Variants in ATXN1 observed in about 807,000 individuals in gnomAD.
ATXN1 encodes ataxin 1.
In ATXN1, 8 loss-of-function variants were observed where a neutral mutation model predicts 56.4. The ratio of observed to expected loss-of-function variants is 0.14; its 90% CI spans 0.08 to 0.26. ATXN1 has a LOEUF of 0.26. ATXN1 is among the 10% of genes least tolerant of loss of function. The probability of loss-of-function intolerance (pLI) is 1.00; values close to 1 mark genes in which losing one functional copy is unlikely to be tolerated. For synonymous variants in ATXN1, 514 were observed against 494.6 expected, an observed-to-expected ratio of 1.04 and a Z score of -0.52; for missense variants, 987 against 1,106.5, an observed-to-expected ratio of 0.89 and a Z score of 1.53.
intron 4 of ATXN1, among the ~76,000 whole-genome samples, chr6:16,576,372 A>G (rs1202398715): frequency 2.0e-5 from 3 of 152,226 alleles, no homozygotes; most frequent in Non-Finnish European, 4.4e-5. Context: ...TTCTGCCACA[A>G]ATTACACTCT....
At chr6:16,448,710 C>T (rs1186428366) in intron 6 of ATXN1, among the ~76,000 whole-genome samples, 1 of 152,154 alleles carries the variant, frequency 6.6e-6, no homozygotes, top group Non-Finnish European at 1.5e-5. Flanking sequence ...CCCTGTGCAA[C>T]AATGCTCACA....
intron 6 of ATXN1, among the ~76,000 whole-genome samples, chr6:16,394,097 T>G (rs1718061314): frequency 6.6e-6 from 1 of 152,184 alleles, no homozygotes; most frequent in South Asian, 2.1e-4. Context: ...GTTGATTGTT[T>G]TGGTTATAAA....
chr6:16,693,860 AC>A (rs1759100489), intron 2 of ATXN1, among the ~76,000 whole-genome samples: 3 of 152,060 alleles, frequency 2.0e-5, no homozygotes, highest in Admixed American at 2.0e-4. Flanking sequence ...TCACCAGTCC[AC>A]CCCCAGTCAC....
intron 6 of ATXN1, among the ~76,000 whole-genome samples, chr6:16,450,029 C>T (rs1190756387): frequency 6.6e-6 from 1 of 152,174 alleles, no homozygotes; most frequent in Non-Finnish European, 1.5e-5. Context: ...ATTATGCTAA[C>T]AAAATTTTCC....
chr6:16,507,334 T>G (rs1200200239), intron 5 of ATXN1, among the ~76,000 whole-genome samples: 1 of 152,202 alleles, frequency 6.6e-6, no homozygotes, highest in Non-Finnish European at 1.5e-5. Flanking sequence ...GATGGGTAAG[T>G]GGCATCATCC....
chr6:16,609,278 TAAG>T (rs1029333865), intron 3 of ATXN1, among the ~76,000 whole-genome samples: 6 of 152,254 alleles, frequency 3.9e-5, no homozygotes, highest in African/African-American at 1.2e-4. Context: ...CGGAAGGCAC[TAAG>T]AAGAGAACCA....
Position 16,305,578 on chromosome 6 carries a change from C to G in ATXN1, c.*751G>C, listed in dbSNP as rs1010608284. 3 of 152,252 alleles carry G rather than the reference C, an allele frequency of 2.0e-5. No individual in the cohort carries two copies. The highest frequency in any genetic ancestry group is 7.3e-5 in the African/African-American group (3 of 41,350). 9.4% of individuals were successfully genotyped at this position (152,252 alleles called of 1,614,324 possible). A position where few individuals can be genotyped will look rare whatever the true frequency, so the allele number is the denominator to read the frequency against. ...GTCCACCACAACACCCTGGTGACAT[C>G]GCTGCACTAGTAAAAAGCAGAAATG... is the stretch of plus-strand genomic sequence containing the variant. On this transcript the variant is annotated 3_prime_UTR_variant, in exon 8 of 8. Transcript: ENST00000436367.
intron 6 of ATXN1, among the ~76,000 whole-genome samples, chr6:16,459,891 C>G (rs1205797506): frequency 6.6e-6 from 1 of 152,178 alleles, no homozygotes; most frequent in Admixed American, 6.5e-5. Context: ...TCTAGCTAAT[C>G]AAGGGTACAA....
At chr6:16,656,573 G>C (rs569682557) in intron 3 of ATXN1, among the ~76,000 whole-genome samples, 16 of 152,142 alleles carry the variant, frequency 1.1e-4, no homozygotes, top group Non-Finnish European at 1.8e-4. Flanking sequence ...TTATAGTTTA[G>C]AGTGTTTGAA....
Position 16,306,890 on chromosome 6 carries a change from A to T in ATXN1, c.1918-31T>A. 2 of 1,563,088 alleles carry T rather than the reference A, an allele frequency of 1.3e-6. No individual in the cohort carries two copies. The highest frequency in any genetic ancestry group is 1.7e-6 in the Non-Finnish European group (2 of 1,160,524). On this transcript the variant is annotated intron_variant, in intron 7 of 7. Coordinates refer to ENST00000436367, the MANE Select transcript of ATXN1 (RefSeq NM_001128164.2). This position sits in a 1 kb window ranked among gnomAD's most constrained non-coding sequence, Gnocchi z 5.2. Reference sequence around the variant, plus strand: ...GAAACAGGGAGAGACAGAGAGAGGAAGAAGGAAGGGAACAAATGAAAACAT... The same window carrying T: ...GAAACAGGGAGAGACAGAGAGAGGATGAAGGAAGGGAACAAATGAAAACAT...
intron 3 of ATXN1, among the ~76,000 whole-genome samples, chr6:16,616,616 T>A (rs141282030): frequency 1.2e-4 from 17 of 145,470 alleles, no homozygotes; most frequent in African/African-American, 2.8e-4. Flanking sequence ...TATAAAATAT[T>A]TTATATATTT....
At chr6:16,720,902 A>G (rs1435144909) in intron 2 of ATXN1, among the ~76,000 whole-genome samples, 3 of 152,228 alleles carry the variant, frequency 2.0e-5, no homozygotes, top group Non-Finnish European at 4.4e-5. Context: ...TTCAGGCCAG[A>G]TACTGTGCTA....
intron 4 of ATXN1, among the ~76,000 whole-genome samples, chr6:16,554,959 T>G (rs1049984606): frequency 6.6e-6 from 1 of 152,106 alleles, no homozygotes; most frequent in African/African-American, 2.4e-5. Context: ...GAGTCCCCAC[T>G]CAATCCCACG....
At chr6:16,439,391 T>TGGG (rs1470984574) in intron 6 of ATXN1, among the ~76,000 whole-genome samples, 1 of 1,326 alleles carries the variant, frequency 7.5e-4, no homozygotes, top group Non-Finnish European at 1.3e-3. Flanking sequence ...GAATAAGGGT[T>TGGG]GGGGTGGGGT....
chr6:16,481,469 T>C (rs1000766918), intron 6 of ATXN1, among the ~76,000 whole-genome samples: 1 of 152,190 alleles, frequency 6.6e-6, no homozygotes. Context: ...ACAGACAGCA[T>C]AATGCTGTTT....
intron 2 of ATXN1, among the ~76,000 whole-genome samples, chr6:16,702,126 C>G (rs1165573915): frequency 3.9e-5 from 6 of 151,932 alleles, no homozygotes; most frequent in Non-Finnish European, 8.8e-5. Flanking sequence ...GGTACTGGTA[C>G]CAAAACAGAG....
intron 6 of ATXN1, among the ~76,000 whole-genome samples, chr6:16,437,536 T>C (rs1759420091): frequency 1.3e-5 from 2 of 152,244 alleles, no homozygotes; most frequent in Admixed American, 6.5e-5. Context: ...CAGAGGTGGC[T>C]GGGAATTAAA....
chr6:16,499,488 C>G (rs372134069), intron 5 of ATXN1, among the ~76,000 whole-genome samples: 2 of 152,112 alleles, frequency 1.3e-5, no homozygotes, highest in Non-Finnish European at 2.9e-5. Flanking sequence ...TTCAGGGAAG[C>G]CAACCACCTC....
chr6:16,512,283 A>T (rs1761098715), intron 5 of ATXN1, among the ~76,000 whole-genome samples: 1 of 152,240 alleles, frequency 6.6e-6, no homozygotes, highest in Non-Finnish European at 1.5e-5. Flanking sequence ...CCTACAGAAG[A>T]CACAATTTGC....
Sources: gnomAD v4.1 joint callset for allele counts (sites outside exome capture counted in the v4.1 genomes callset) on GRCh38, gnomAD v4.1.1 for gene constraint, Gnocchi (gnomAD v3.1) non-coding constraint, MANE v1.5 for transcripts, NCBI Gene and HGNC (gene_info 2026-07-23, HGNC 2026-07-21) for gene names.